The following AKAP13 variants were observed in gnomAD, a reference collection of about 807,000 sequenced individuals.
The protein encoded by AKAP13 is A-kinase anchoring protein 13.
A neutral mutation model predicts 264.5 loss-of-function variants in AKAP13; 80 were observed. That is an observed-to-expected ratio of 0.30 (90% CI 0.25 to 0.36). The LOEUF (loss-of-function observed/expected upper bound fraction) is 0.36, where lower values mean the gene tolerates loss of function less well. AKAP13 is among the 10% of genes least tolerant of loss of function. The pLI, the probability that AKAP13 is intolerant of heterozygous loss-of-function variation, is 1.00. For missense variants in AKAP13, 3,712 were observed against 3,435.2 expected (o/e 1.08, Z -2.01); for synonymous variants, 1,380 against 1,250.2 (o/e 1.10, Z -2.19).
intron 2 of AKAP13, among the ~76,000 whole-genome samples, chr15:85,487,921 A>T (rs1017126245): frequency 6.2e-5 from 9 of 144,470 alleles, no homozygotes; most frequent in African/African-American, 2.3e-4. Context: ...TTATTGAGAC[A>T]AGGTCTTGCT....
intron 17 of AKAP13, among the ~76,000 whole-genome samples, chr15:85,707,344 A>G (rs958521959): frequency 4.6e-5 from 7 of 152,138 alleles, no homozygotes; most frequent in African/African-American, 1.4e-4. Flanking sequence ...TCCTTGCCAA[A>G]TTGTGGTTTC....
chr15:85,726,750 T>G (rs112069585), intron 27 of AKAP13, among the ~76,000 whole-genome samples: 70 of 152,342 alleles, frequency 4.6e-4, no homozygotes, highest in African/African-American at 1.5e-3. Context: ...ACTGGAGCAT[T>G]TCTCACATTT....
In AKAP13 at chr15:85,734,973, C is replaced by T. The variant is rs1256869597; in HGVS notation, c.7283-19C>T. ...ATTGAAAGATAAGATGTCAGCTTTG[C>T]ATGTTTCCTTTATTCCAGTGGAGAT... On this transcript the variant is annotated intron_variant, in intron 30 of 36. Transcript: ENST00000394518. The T allele has an allele frequency of 1.2e-6, 2 of 1,609,936 alleles. No homozygotes were observed. The highest frequency in any genetic ancestry group is 1.7e-6 in the Non-Finnish European group (2 of 1,178,264).
At chr15:85,530,037 G>T (rs1214645285) in intron 3 of AKAP13, among the ~76,000 whole-genome samples, 1 of 151,964 alleles carries the variant, frequency 6.6e-6, no homozygotes, top group African/African-American at 2.4e-5. Context: ...CTGCCTTCTC[G>T]GTTATACAGT....
intron 2 of AKAP13, among the ~76,000 whole-genome samples, chr15:85,505,980 A>G (rs1278647242): frequency 1.3e-5 from 2 of 152,186 alleles, no homozygotes; most frequent in Non-Finnish European, 2.9e-5. Context: ...AGTCATCTTA[A>G]GTATTTAAGA....
rs768974848 is a variant in AKAP13 at position 85,387,255 on chromosome 15, T to C, written c.-12+6457T>C. 1.5e-3 allele frequency among the ~76,000 whole-genome samples: 221 copies of C among 152,070 alleles called. 2 individuals carry two copies. The highest frequency in any genetic ancestry group is 1.4e-3 in the Non-Finnish European group (93 of 67,966). On this transcript the variant is annotated intron_variant, in intron 1 of 36. Transcript: ENST00000394518. ...GGAGGCTGAGACAGGAGAATTGCTT[T>C]AGCCCGGGAGATGGAGGTTACAGTG...
chr15:85,620,676 A>G (rs1011706167), intron 8 of AKAP13, among the ~76,000 whole-genome samples: 2 of 152,168 alleles, frequency 1.3e-5, no homozygotes, highest in African/African-American at 2.4e-5. Flanking sequence ...TTCTTTTGGA[A>G]GGATTTCCAA....
At chr15:85,522,293 GCTGTGTGTTTATATAC>G (rs2076849632) in intron 3 of AKAP13, among the ~76,000 whole-genome samples, 1 of 152,112 alleles carries the variant, frequency 6.6e-6, no homozygotes, top group Non-Finnish European at 1.5e-5. Flanking sequence ...AAGTTCGAGG[GCTGTGTGTTTATATAC>G]CTGTGTGTGC....
At chr15:85,698,120 C>G (rs1426088715) in intron 17 of AKAP13, among the ~76,000 whole-genome samples, 1 of 152,112 alleles carries the variant, frequency 6.6e-6, no homozygotes, top group African/African-American at 2.4e-5. Context: ...AATATCCATC[C>G]ATAAAATATA....
intron 5 of AKAP13, among the ~76,000 whole-genome samples, chr15:85,568,081 C>T (rs2078673847): frequency 6.6e-6 from 1 of 151,548 alleles, no homozygotes; most frequent in South Asian, 2.1e-4. Flanking sequence ...CAGGCAGATT[C>T]CTTAAGTCCA....
At chr15:85,495,557 G>C (rs1217922236) in intron 2 of AKAP13, among the ~76,000 whole-genome samples, 3 of 152,132 alleles carry the variant, frequency 2.0e-5, no homozygotes, top group African/African-American at 7.2e-5. Context: ...AAGCCAAACA[G>C]CATATTTTTG....
intron 23 of AKAP13, among the ~76,000 whole-genome samples, chr15:85,720,256 A>G (rs1242635675): frequency 1.6e-5 from 1 of 63,278 alleles, no homozygotes; most frequent in Non-Finnish European, 3.0e-5. Flanking sequence ...TTTAAAAACA[A>G]ACTCTGTGTG....
intron 16 of AKAP13, among the ~76,000 whole-genome samples, chr15:85,687,742 A>AT (rs2085026128): frequency 1.4e-5 from 2 of 142,554 alleles, no homozygotes; most frequent in Admixed American, 1.5e-4. Flanking sequence ...GCAAAAGATG[A>AT]TTTTTTAAAA....
chr15:85,538,855 G>A lies in AKAP13; in HGVS notation c.479-4917G>A, dbSNP rs1480986894. Among the ~76,000 whole-genome samples the A allele has an allele frequency of 2.0e-5, 3 of 147,320 alleles. No homozygotes were observed. In the East Asian group the frequency reaches 6.0e-4, roughly 30 times the overall value. On this transcript the variant is annotated intron_variant, in intron 4 of 36. Coordinates refer to ENST00000394518, the MANE Select transcript of AKAP13 (RefSeq NM_007200.5). ...GTTTGTGTATTTTTTTTTTTTGAGG[G>A]AGTCTTGCTCTGTCCCCCAGGCTAG...
intron 2 of AKAP13, among the ~76,000 whole-genome samples, chr15:85,491,962 C>CGT: frequency 6.6e-6 from 1 of 152,158 alleles, no homozygotes; most frequent in East Asian, 1.9e-4. Context: ...CATAAGGAAA[C>CGT]ATAAGGTTAA....
chr15:85,729,162 G>C (rs2087806634), intron 29 of AKAP13, among the ~76,000 whole-genome samples: 1 of 152,074 alleles, frequency 6.6e-6, no homozygotes, highest in Non-Finnish European at 1.5e-5. Context: ...AGCTGGGCGT[G>C]GTGGCACGTG....
chr15:85,554,589 CT>C (rs1055191257), intron 5 of AKAP13, among the ~76,000 whole-genome samples: 5 of 148,040 alleles, frequency 3.4e-5, no homozygotes, highest in Non-Finnish European at 3.0e-5. Flanking sequence ...ACTTTTTTTT[CT>C]TTTTTTTTTA....
At chr15:85,420,985 G>A (rs981994574) in intron 1 of AKAP13, among the ~76,000 whole-genome samples, 6 of 152,176 alleles carry the variant, frequency 3.9e-5, no homozygotes, top group African/African-American at 1.4e-4. Context: ...GATTAGGACA[G>A]TTGAATTATG....
chr15:85,521,657 G>A, intron 3 of AKAP13, 82 bp downstream of exon 3: 2 of 1,475,128 alleles, frequency 1.4e-6, no homozygotes, highest in South Asian at 2.7e-5. Context: ...TAGAGTGACA[G>A]GAAGAGTGAA....
Sources: gnomAD v4.1 joint callset for allele counts (sites outside exome capture counted in the v4.1 genomes callset) on GRCh38, gnomAD v4.1.1 for gene constraint, MANE v1.5 for transcripts, NCBI Gene and HGNC (gene_info 2026-07-23, HGNC 2026-07-21) for gene names.